The following MYOM1 variants were observed in gnomAD, a reference collection of about 807,000 sequenced individuals.
The protein encoded by MYOM1 is myomesin 1.
In MYOM1, 164 loss-of-function variants were observed where a neutral mutation model predicts 205.3. The ratio of observed to expected loss-of-function variants is 0.80; its 90% CI spans 0.70 to 0.91. The LOEUF (loss-of-function observed/expected upper bound fraction) is 0.91, where lower values mean the gene tolerates loss of function less well. Among genes scored for constraint, MYOM1 ranks in the 40% least tolerant of loss-of-function variants. MYOM1 has a pLI of 0.00. For synonymous variants in MYOM1, 772 were observed against 789.4 expected (o/e 0.98, Z 0.37); for missense variants, 2,011 against 2,127.3 (o/e 0.95, Z 1.08).
In MYOM1 at chr18:3,215,092, C is replaced by G. The variant is rs372736572; in HGVS notation, c.132G>C (p.Thr44=). The change falls in exon 2 of 38, where the codon ACG becomes ACC. Residue 44 remains threonine (T), a synonymous_variant. Transcript: ENST00000356443. ...CGGCGGAGGAGCGGCTGCTGTAGGC[C>G]GTGGAGCCCTGGGTGTAGACGGCGG... ...KRSAVYTQGS[T]AYSSRSSAAH... is the part of the protein sequence containing the mutation. 3 of 1,613,550 alleles carry G rather than the reference C, an allele frequency of 1.9e-6. No individual in the cohort carries two copies. Among genetic ancestry groups the G allele is most frequent in the Non-Finnish European group, 2.5e-6 (3 of 1,179,858 alleles).
chr18:3,089,518 A>T lies in MYOM1; in HGVS notation c.4069+19T>A. 6.3e-7 allele frequency: 1 copy of T among 1,592,988 alleles called. No homozygotes were observed. The highest frequency in any genetic ancestry group is 8.6e-7 in the Non-Finnish European group (1 of 1,168,366). On this transcript the variant is annotated intron_variant, in intron 28 of 37. Transcript: ENST00000356443. Reference sequence around the variant, plus strand: ...CAAAAAAATTAAAAATTTTCTCTTTATCCACGGCCTATTTTTACCTTGTTT... The same window carrying T: ...CAAAAAAATTAAAAATTTTCTCTTTTTCCACGGCCTATTTTTACCTTGTTT...
intron 13 of MYOM1, among the ~76,000 whole-genome samples, chr18:3,142,284 A>G (rs2080061780): frequency 6.6e-6 from 1 of 150,636 alleles, no homozygotes; most frequent in South Asian, 2.1e-4. Context: ...GGAGGGGGGG[A>G]AGGGTTTCAC....
At position 3,142,077 on chromosome 18, in the gene MYOM1, A is replaced by C; in HGVS notation, c.1901-14T>G. The C allele has an allele frequency of 6.2e-7, 1 of 1,612,212 alleles. No homozygotes were observed. Among genetic ancestry groups the C allele is most frequent in the Non-Finnish European group, 8.5e-7 (1 of 1,178,756 alleles). On this transcript the variant is annotated splice_polypyrimidine_tract_variant and intron_variant, in intron 13 of 37. Transcript: ENST00000356443. ...GCACAATACCCTCTGAAAAACAACA[A>C]GGAAAAATGAGAAGCACACATTCTG...
chr18:3,170,354 T>C (rs2080539077), intron 8 of MYOM1, among the ~76,000 whole-genome samples: 1 of 152,162 alleles, frequency 6.6e-6, no homozygotes, highest in African/African-American at 2.4e-5. Flanking sequence ...CATTACACAT[T>C]GTATGCTTGT....
At chr18:3,180,661 T>A (rs185540157) in intron 5 of MYOM1, among the ~76,000 whole-genome samples, 1 of 152,310 alleles carries the variant, frequency 6.6e-6, no homozygotes. Flanking sequence ...CTGTGAATAT[T>A]CAGATGTATA....
At chr18:3,235,795 G>A in the MYOM1 span, among the ~76,000 whole-genome samples, 1 of 152,228 alleles carries the variant, frequency 6.6e-6, no homozygotes, top group Non-Finnish European at 1.5e-5. Flanking sequence ...AACGCTGTGG[G>A]TGGAAGCTGG....
rs187407795 is a variant in MYOM1 at position 3,196,017 on chromosome 18, C to T, written c.291-2059G>A. On this transcript the variant is annotated intron_variant, in intron 2 of 37. Coordinates refer to ENST00000356443, the MANE Select transcript of MYOM1 (RefSeq NM_003803.4). Reference sequence around the variant, plus strand: ...GTGTTATATAGTACTGCTTAGAAAACGCAAGATCTTCACTTTTATTATGCT... The same window carrying T: ...GTGTTATATAGTACTGCTTAGAAAATGCAAGATCTTCACTTTTATTATGCT... Among the ~76,000 whole-genome samples the T allele has an allele frequency of 3.7e-3, 558 of 152,144 alleles. 13 individuals are homozygous for T. Among genetic ancestry groups the T allele is most frequent in the Admixed American group, 0.034 (514 of 15,278 alleles).
At chr18:3,109,483 T>C (rs1360363484) in intron 22 of MYOM1, among the ~76,000 whole-genome samples, 5 of 152,334 alleles carry the variant, frequency 3.3e-5, no homozygotes, top group East Asian at 1.9e-4. Flanking sequence ...TTTGTGGTAT[T>C]CTTATCCAGA....
intron 2 of MYOM1, among the ~76,000 whole-genome samples, chr18:3,207,382 T>C (rs1490265179): frequency 6.6e-6 from 1 of 152,234 alleles, no homozygotes; most frequent in Non-Finnish European, 1.5e-5. Flanking sequence ...TAAAGACACT[T>C]GACAATAGTA....
intron 36 of MYOM1, among the ~76,000 whole-genome samples, chr18:3,072,427 C>A (rs1319856572): frequency 1.4e-5 from 2 of 138,760 alleles, no homozygotes; most frequent in Admixed American, 7.5e-5. Flanking sequence ...AATCTCAGCT[C>A]ACTGCGACCT....
intron 12 of MYOM1, among the ~76,000 whole-genome samples, chr18:3,151,290 C>T (rs944253269): frequency 2.0e-5 from 3 of 151,600 alleles, no homozygotes; most frequent in Non-Finnish European, 2.9e-5. Context: ...AAGAAATAGA[C>T]CTTGAGCCAG....
At chr18:3,148,714 C>T (rs368259611) in intron 13 of MYOM1, among the ~76,000 whole-genome samples, 4,342 of 151,028 alleles carry the variant, frequency 0.029, 134 homozygotes, top group African/African-American at 0.08. Flanking sequence ...GGCGTAGTGG[C>T]GGGCGCCTGT....
the MYOM1 span, among the ~76,000 whole-genome samples, chr18:3,231,534 C>CTTTT: frequency 6.3e-4 from 76 of 120,192 alleles, 2 homozygotes; most frequent in South Asian, 0.014. Flanking sequence ...AATATGCATC[C>CTTTT]TTTTTTTTTT....
At chr18:3,190,716 C>T (rs1050280009) in intron 3 of MYOM1, among the ~76,000 whole-genome samples, 2 of 152,084 alleles carry the variant, frequency 1.3e-5, no homozygotes, top group African/African-American at 4.8e-5. Flanking sequence ...GAATACAAAA[C>T]AAACCATCAG....
In MYOM1 at chr18:3,215,050, G is replaced by A. The variant is rs561558047; in HGVS notation, c.174C>T (p.Ser58=). 2.5e-6 allele frequency: 4 copies of A among 1,613,246 alleles called. No individual in the cohort carries two copies. Among genetic ancestry groups the A allele is most frequent in the Admixed American group, 3.3e-5 (2 of 59,994 alleles). ...SRSSAAHRRE[S]EAFRRASASS... ...AGGCGGACGCCCGACGGAAGGCCTCGGACTCCCGGCGGTGCGCGGCGGAGG... is the reference window on the plus strand; with the variant it reads ...AGGCGGACGCCCGACGGAAGGCCTCAGACTCCCGGCGGTGCGCGGCGGAGG... Residue 58 remains serine (S), a synonymous_variant, in exon 2 of 38, where the codon TCC becomes TCT. Coordinates refer to ENST00000356443, the MANE Select transcript of MYOM1 (RefSeq NM_003803.4).
chr18:3,155,026 T>G lies in MYOM1; in HGVS notation c.1564A>C (p.Asn522His). 6.2e-7 allele frequency: 1 copy of G among 1,613,568 alleles called. No individual in the cohort carries two copies. The highest frequency in any genetic ancestry group is 8.5e-7 in the Non-Finnish European group (1 of 1,179,700). ...CAGGAGATGATGATATAATCTTTGT[T>G]GGCCTCCAAGCACTTCACATCCAAG... ...APLDVKCLEA[N>H]KDYIIISWKQ... The change falls in exon 11 of 38, where the codon AAC becomes CAC. Residue 522 changes from asparagine (N) to histidine (H), a missense_variant. Physicochemically the swap from Asn to His is moderately conservative, Grantham distance 68. Transcript: ENST00000356443.
At chr18:3,166,799 C>T (rs571695930) in intron 9 of MYOM1, among the ~76,000 whole-genome samples, 19 of 152,158 alleles carry the variant, frequency 1.2e-4, no homozygotes, top group African/African-American at 4.6e-4. Flanking sequence ...AATTTATTTT[C>T]TAAAACAATT....
At chr18:3,124,214 C>T (rs1343671702) in intron 19 of MYOM1, among the ~76,000 whole-genome samples, 2 of 151,384 alleles carry the variant, frequency 1.3e-5, no homozygotes, top group African/African-American at 2.4e-5. Context: ...GCATGGGAAG[C>T]ACGAACACAG....
At chr18:3,111,236 C>T (rs369521433) in intron 22 of MYOM1, among the ~76,000 whole-genome samples, 1 of 130,034 alleles carries the variant, frequency 7.7e-6, no homozygotes, top group Non-Finnish European at 1.6e-5. Flanking sequence ...GCCACAGTGC[C>T]TGGCCTCCGG....
Sources: gnomAD v4.1 joint callset for allele counts (sites outside exome capture counted in the v4.1 genomes callset) on GRCh38, gnomAD v4.1.1 for gene constraint, MANE v1.5 for transcripts, NCBI Gene and HGNC (gene_info 2026-07-23, HGNC 2026-07-21) for gene names.